TGFA: variants seen among roughly 807,000 people sequenced by gnomAD.
The protein encoded by TGFA is transforming growth factor alpha.
Under a neutral mutation model 21.7 loss-of-function variants are expected in TGFA, and 12 were observed. The observed-to-expected ratio is 0.55, with a 90% confidence interval of 0.35 to 0.90. The LOEUF (loss-of-function observed/expected upper bound fraction) is 0.90. Among genes scored for constraint, TGFA ranks in the 40% least tolerant of loss-of-function variants. The pLI is 0.01. For missense variants in TGFA, 178 were observed against 210.8 expected, an observed-to-expected ratio of 0.84 and a Z score of 0.96; for synonymous variants, 79 against 88.1, an observed-to-expected ratio of 0.90 and a Z score of 0.58.
chr2:70,521,001 C>G (rs536417617), intron 1 of TGFA, among the ~76,000 whole-genome samples: 13 of 152,208 alleles, frequency 8.5e-5, no homozygotes, highest in African/African-American at 2.4e-4. Flanking sequence ...CCTATCCATC[C>G]CCCTGCATCC....
At chr2:70,491,497 A>C (rs1337390166) in intron 2 of TGFA, among the ~76,000 whole-genome samples, 2 of 152,240 alleles carry the variant, frequency 1.3e-5, no homozygotes, top group African/African-American at 4.8e-5. Context: ...TGCTTCCATG[A>C]GTCTCTGGAT....
intron 2 of TGFA, among the ~76,000 whole-genome samples, chr2:70,509,125 G>C (rs539931036): frequency 3.9e-4 from 60 of 152,300 alleles, no homozygotes; most frequent in Non-Finnish European, 6.8e-4. Context: ...GACATACCAA[G>C]TGTCTTGTAT....
intron 2 of TGFA, among the ~76,000 whole-genome samples, chr2:70,510,875 T>G (rs1672075834): frequency 6.6e-6 from 1 of 152,110 alleles, no homozygotes. Context: ...GCGTGGTGAC[T>G]CATGCTTGTA....
intron 1 of TGFA, among the ~76,000 whole-genome samples, chr2:70,517,030 A>G (rs1672301905): frequency 6.6e-6 from 1 of 152,196 alleles, no homozygotes; most frequent in Admixed American, 6.5e-5. Context: ...CCAGGACAAG[A>G]CACTGATGAG....
Position 70,494,281 on chromosome 2 carries a change from C to T in TGFA, c.94+20578G>A, listed in dbSNP as rs571736075. ...TCCCATTTCAAGGTCCTTAACCCCACCTGCAAAGTCCCCTTTGCCATGTAA... is the reference window on the plus strand; with the variant it reads ...TCCCATTTCAAGGTCCTTAACCCCATCTGCAAAGTCCCCTTTGCCATGTAA... On this transcript the variant is annotated intron_variant, in intron 2 of 5. Transcript: ENST00000295400. Among the ~76,000 whole-genome samples, 7 of 152,332 alleles carry T rather than the reference C, an allele frequency of 4.6e-5. No individual in the cohort carries two copies. The South Asian group carries it at 1.0e-3, about 23-fold the overall frequency.
At chr2:70,490,093 C>T (rs1412400049) in intron 2 of TGFA, among the ~76,000 whole-genome samples, 1 of 152,092 alleles carries the variant, frequency 6.6e-6, no homozygotes, top group Non-Finnish European at 1.5e-5. Context: ...AGTTTGAGAA[C>T]AACTGGTCTA....
At position 70,549,179 on chromosome 2, in the gene TGFA, T is replaced by A. The variant is rs541298755; in HGVS notation, c.40+4549A>T. Among the ~76,000 whole-genome samples, 4 of 152,336 alleles carry A rather than the reference T, an allele frequency of 2.6e-5. No homozygotes were observed. In the East Asian group the frequency reaches 5.8e-4, roughly 22 times the overall value. On this transcript the variant is annotated intron_variant, in intron 1 of 5. Coordinates refer to ENST00000295400, the MANE Select transcript of TGFA (RefSeq NM_003236.4). ...TTAATAACATGGGATCGTTACATTTTCCATGGATAACGAACAAGAACACTT... is the reference window on the plus strand; with the variant it reads ...TTAATAACATGGGATCGTTACATTTACCATGGATAACGAACAAGAACACTT...
intron 1 of TGFA, among the ~76,000 whole-genome samples, chr2:70,541,580 G>A (rs1351989272): frequency 6.6e-6 from 1 of 152,192 alleles, no homozygotes; most frequent in Non-Finnish European, 1.5e-5. Context: ...GAAAAGGAGT[G>A]TGTCGTGAAG....
intron 2 of TGFA, among the ~76,000 whole-genome samples, chr2:70,490,155 A>T (rs568352042): frequency 6.6e-6 from 1 of 152,374 alleles, no homozygotes; most frequent in African/African-American, 2.4e-5. Flanking sequence ...TTCCTGGACT[A>T]TAAATAGAAT....
intron 1 of TGFA, among the ~76,000 whole-genome samples, chr2:70,539,613 C>A (rs1341876429): frequency 2.6e-5 from 4 of 152,080 alleles, no homozygotes; most frequent in African/African-American, 9.7e-5. Flanking sequence ...TGCCATTATG[C>A]CCAGCTAATT....
intron 1 of TGFA, among the ~76,000 whole-genome samples, chr2:70,532,665 C>G (rs1175384009): frequency 6.6e-6 from 1 of 152,154 alleles, no homozygotes; most frequent in Admixed American, 6.5e-5. Context: ...TCTCAAGGCT[C>G]GGGACTCAGA....
rs562341111 is a variant in TGFA at position 70,553,676 on chromosome 2, G to A, written c.40+52C>T. 688 of 1,338,906 alleles carry A rather than the reference G, an allele frequency of 5.1e-4. 7 individuals carry two copies. In the South Asian group the frequency reaches 0.013, roughly 26 times the overall value. 82.9% of individuals were successfully genotyped at this position (1,338,906 alleles called of 1,614,324 possible). On this transcript the variant is annotated intron_variant, in intron 1 of 5. Coordinates refer to ENST00000295400, the MANE Select transcript of TGFA (RefSeq NM_003236.4). ...GGAAAGGGGAACTCGGCGGGGACCG[G>A]GGGAAGCAGGGTGTCGCGCGGCGCA...
At chr2:70,539,957 A>C (rs1673089771) in intron 1 of TGFA, among the ~76,000 whole-genome samples, 1 of 152,222 alleles carries the variant, frequency 6.6e-6, no homozygotes, top group Admixed American at 6.5e-5. Context: ...GAAAATAGAC[A>C]GTCTCAGTTC....
intron 2 of TGFA, among the ~76,000 whole-genome samples, chr2:70,493,184 C>T (rs944355530): frequency 6.6e-6 from 1 of 152,158 alleles, no homozygotes; most frequent in Non-Finnish European, 1.5e-5. Flanking sequence ...CCTGTAGTAT[C>T]AAGCAGTAAC....
chr2:70,536,811 G>T (rs1559141217), intron 1 of TGFA, among the ~76,000 whole-genome samples: 1 of 152,184 alleles, frequency 6.6e-6, no homozygotes, highest in Non-Finnish European at 1.5e-5. Flanking sequence ...AGCCAATTAA[G>T]TGCAAAGTAA....
chr2:70,453,331 CAA>C lies in TGFA; in HGVS notation c.366-6_366-5del, dbSNP rs1670120942. The C allele has an allele frequency of 3.1e-6, 5 of 1,612,588 alleles. No individual in the cohort carries two copies. The African/African-American group carries it at 5.3e-5, about 17-fold the overall frequency. On this transcript the variant is annotated splice_region_variant and splice_polypyrimidine_tract_variant and intron_variant, in intron 4 of 5. Transcript: ENST00000295400. ...GTGTTTTCGGACCTGGCAGCAGCTG[CAA>C]AGACACAGAGGACCCAGTCTGGGCA...
At chr2:70,470,350 A>T (rs1265354782) in intron 2 of TGFA, among the ~76,000 whole-genome samples, 1 of 152,194 alleles carries the variant, frequency 6.6e-6, no homozygotes, top group Non-Finnish European at 1.5e-5. Flanking sequence ...CTGAGGGACA[A>T]ATCTAACTCT....
chr2:70,510,616 T>C (rs1672066509), intron 2 of TGFA, among the ~76,000 whole-genome samples: 2 of 152,154 alleles, frequency 1.3e-5, no homozygotes, highest in South Asian at 4.1e-4. Flanking sequence ...CCAAAACCCA[T>C]GATCTCTCAC....
chr2:70,537,340 T>C (rs553277441), intron 1 of TGFA, among the ~76,000 whole-genome samples: 16 of 152,348 alleles, frequency 1.1e-4, no homozygotes, highest in African/African-American at 3.8e-4. Context: ...CAATGGCCTC[T>C]CAGTTTTGAA....
Sources: gnomAD v4.1 joint callset for allele counts (sites outside exome capture counted in the v4.1 genomes callset) on GRCh38, gnomAD v4.1.1 for gene constraint, MANE v1.5 for transcripts, NCBI Gene and HGNC (gene_info 2026-07-23, HGNC 2026-07-21) for gene names.